DDHD1: variants seen among roughly 807,000 people sequenced by gnomAD.
DDHD1 encodes phospholipase DDHD1.
In DDHD1, 49 loss-of-function variants were observed where a neutral mutation model predicts 96.4. The ratio of observed to expected loss-of-function variants is 0.51; its 90% CI spans 0.40 to 0.64. The LOEUF is 0.64. DDHD1 is among the 30% of genes least tolerant of loss of function. The pLI, the probability that DDHD1 is intolerant of heterozygous loss-of-function variation, is 0.00. For synonymous variants in DDHD1, 442 were observed against 446.5 expected, an observed-to-expected ratio of 0.99 and a Z score of 0.13; for missense variants, 1,106 against 1,161.2, an observed-to-expected ratio of 0.95 and a Z score of 0.69.
chr14:53,064,279 T>G (rs1883837990), intron 6 of DDHD1, among the ~76,000 whole-genome samples: 1 of 152,098 alleles, frequency 6.6e-6, no homozygotes, highest in Admixed American at 6.5e-5. Flanking sequence ...ATAATTTCCT[T>G]TAAAAGCAAC....
chr14:53,119,761 T>A (rs1057461257), intron 1 of DDHD1, among the ~76,000 whole-genome samples: 27 of 152,196 alleles, frequency 1.8e-4, no homozygotes, highest in Non-Finnish European at 8.8e-5. Flanking sequence ...CATAACTTCA[T>A]GCTAAAAACT....
chr14:53,128,079 A>C (rs965652265), intron 1 of DDHD1, among the ~76,000 whole-genome samples: 10 of 152,174 alleles, frequency 6.6e-5, no homozygotes, highest in Non-Finnish European at 1.3e-4. Flanking sequence ...TCTTCGCTCT[A>C]TATTTCTCTC....
chr14:53,053,151 A>C (rs1882752075), intron 11 of DDHD1: 1 of 152,000 alleles, frequency 6.6e-6, no homozygotes, highest in Non-Finnish European at 1.5e-5. Context: ...GAGAACCATG[A>C]CTTTTTACCT....
chr14:53,085,074 G>A (rs1885823995), intron 4 of DDHD1, among the ~76,000 whole-genome samples: 1 of 152,232 alleles, frequency 6.6e-6, no homozygotes, highest in Admixed American at 6.5e-5. Context: ...TGGGGAAGGG[G>A]CATCTGCCAT....
At chr14:53,073,109 T>C (rs1884659843) in intron 5 of DDHD1, among the ~76,000 whole-genome samples, 1 of 152,080 alleles carries the variant, frequency 6.6e-6, no homozygotes, top group Non-Finnish European at 1.5e-5. Context: ...TTGCAGATTA[T>C]GTAAATAATC....
rs139700149 is a variant in DDHD1 at position 53,067,409 on chromosome 14, C to T, written c.1504-4204G>A. Among the ~76,000 whole-genome samples, 115 of 151,404 alleles carry T rather than the reference C, an allele frequency of 7.6e-4. 1 individual carries two copies. The highest frequency in any genetic ancestry group is 2.7e-3 in the African/African-American group (112 of 41,210). On this transcript the variant is annotated intron_variant, in intron 6 of 12. Coordinates refer to ENST00000673822, the MANE Select transcript of DDHD1 (RefSeq NM_001160148.2). ...CCAGCCTCAAGTGATCTGCCCGTCTCGGCCTCCCAAAGTGCTGGGATTACC... is the reference window on the plus strand; with the variant it reads ...CCAGCCTCAAGTGATCTGCCCGTCTTGGCCTCCCAAAGTGCTGGGATTACC...
chr14:53,152,117 C>A, intron 1 of DDHD1, 144 bp downstream of exon 1: 21 of 809,854 alleles, frequency 2.6e-5, no homozygotes, highest in South Asian at 1.7e-4. Context: ...GCCGACGCTC[C>A]CTGCTCAATC....
At chr14:53,135,828 A>G (rs1237945040) in intron 1 of DDHD1, among the ~76,000 whole-genome samples, 2 of 152,204 alleles carry the variant, frequency 1.3e-5, no homozygotes, top group East Asian at 3.8e-4. Context: ...TATATGTAAC[A>G]ATGATTTTCA....
chr14:53,056,012 C>T (rs578066151), intron 9 of DDHD1, 100 bp from the exon 10 acceptor site: 49 of 975,954 alleles, frequency 5.0e-5, no homozygotes, highest in Admixed American at 2.7e-4. Context: ...AGTAAACCTC[C>T]GAGAAGGAAT....
intron 1 of DDHD1, among the ~76,000 whole-genome samples, chr14:53,121,202 TAGA>T (rs1448842988): frequency 3.9e-5 from 6 of 152,142 alleles, no homozygotes; most frequent in African/African-American, 7.2e-5. Context: ...CACTAGTCAT[TAGA>T]GGAATGCAAA....
intron 1 of DDHD1, 147 bp downstream of exon 1, chr14:53,152,114 C>T (rs1891433854): frequency 1.3e-5 from 10 of 787,148 alleles, no homozygotes; most frequent in Admixed American, 3.7e-5. Flanking sequence ...GCTGCCGACG[C>T]TCCCTGCTCA....
Position 53,153,214 on chromosome 14 carries a change from C to G in DDHD1, c.-116G>C. The G allele has an allele frequency of 3.1e-6, 3 of 968,586 alleles. No individual in the cohort carries two copies. The highest frequency in any genetic ancestry group is 4.1e-6 in the Non-Finnish European group (3 of 724,024). 60.0% of individuals were successfully genotyped at this position (968,586 alleles called of 1,614,324 possible). On this transcript the variant is annotated 5_prime_UTR_variant, in exon 1 of 13. Coordinates refer to ENST00000673822, the MANE Select transcript of DDHD1 (RefSeq NM_001160148.2). ...CCGAAGTTTCTAATCTTTCAAATCC[C>G]GACCCGAGCTGCGGCGGCAGCGGCG...
At chr14:53,086,459 A>G (rs1227297320) in intron 4 of DDHD1, among the ~76,000 whole-genome samples, 1 of 152,232 alleles carries the variant, frequency 6.6e-6, no homozygotes, top group African/African-American at 2.4e-5. Flanking sequence ...ATCTCTCGGC[A>G]GAAACTCCAC....
intron 4 of DDHD1, among the ~76,000 whole-genome samples, chr14:53,089,185 A>G (rs1005720296): frequency 6.6e-6 from 1 of 152,242 alleles, no homozygotes; most frequent in African/African-American, 2.4e-5. Context: ...AAATGGAAGA[A>G]CATTCCATGC....
intron 1 of DDHD1, among the ~76,000 whole-genome samples, chr14:53,126,989 AT>A (rs904440331): frequency 8.5e-5 from 13 of 152,168 alleles, no homozygotes; most frequent in African/African-American, 3.1e-4. Context: ...AGAAACTAAA[AT>A]TTTTTAAAAA....
At chr14:53,059,701 T>C (rs1322403466) in intron 8 of DDHD1, among the ~76,000 whole-genome samples, 1 of 148,616 alleles carries the variant, frequency 6.7e-6, no homozygotes, top group Non-Finnish European at 1.5e-5. Flanking sequence ...CCGTCTCTAC[T>C]AAAAATACAA....
chr14:53,132,157 G>T (rs1025140207), intron 1 of DDHD1, among the ~76,000 whole-genome samples: 35 of 151,966 alleles, frequency 2.3e-4, no homozygotes, highest in African/African-American at 8.0e-4. Context: ...CTCCCCACTA[G>T]CTCTCCCTAA....
At position 53,093,385 on chromosome 14, in the gene DDHD1, A is replaced by G. The variant is rs778395245; in HGVS notation, c.1072T>C (p.Tyr358His). 2.0e-5 allele frequency: 32 copies of G among 1,613,080 alleles called. No homozygotes were observed. The highest frequency in any genetic ancestry group is 2.6e-5 in the Non-Finnish European group (31 of 1,179,726). ...HVDWHSVDEV[Y>H]LYSDATTSKI... ...GATGTTGTTGCATCACTATAAAGAT[A>G]TACTTCATCCACACTGTGCCAGTCC... The change falls in exon 3 of 13, where the codon TAT (tyrosine) becomes CAT (histidine). Residue 358 changes from tyrosine (Y) to histidine (H), a missense_variant. Physicochemically the swap from Tyr to His is moderately conservative, Grantham distance 83. This residue lies in a region of DDHD1 where 650 missense variants were observed against 758.8 expected (regional missense o/e 0.86). Transcript: ENST00000673822.
chr14:53,133,021 C>T (rs1489419692), intron 1 of DDHD1, among the ~76,000 whole-genome samples: 1 of 152,234 alleles, frequency 6.6e-6, no homozygotes, highest in African/African-American at 2.4e-5. Context: ...CAGGCCCATT[C>T]TATTCTGTCA....
Sources: gnomAD v4.1 joint callset for allele counts (sites outside exome capture counted in the v4.1 genomes callset) on GRCh38, gnomAD v4.1.1 for gene constraint, gnomAD v4.1.1 regional missense constraint, MANE v1.5 for transcripts, NCBI Gene and HGNC (gene_info 2026-07-23, HGNC 2026-07-21) for gene names.